The following RIMS1 variants were observed in gnomAD, a reference collection of about 807,000 sequenced individuals.
The protein encoded by RIMS1 is regulating synaptic membrane exocytosis 1.
In RIMS1, 83 loss-of-function variants were observed where a neutral mutation model predicts 214.1. That is an observed-to-expected ratio of 0.39 (90% CI 0.32 to 0.47). RIMS1 has a LOEUF of 0.47. Among genes scored for constraint, RIMS1 ranks in the 20% least tolerant of loss-of-function variants. The pLI, the probability that RIMS1 is intolerant of heterozygous loss-of-function variation, is 0.99. For synonymous variants in RIMS1, 793 were observed against 786.8 expected, an observed-to-expected ratio of 1.01 and a Z score of -0.13; for missense variants, 2,050 against 2,161.8, an observed-to-expected ratio of 0.95 and a Z score of 1.03.
chr6:72,185,244 A>G (rs2048933177), intron 6 of RIMS1, among the ~76,000 whole-genome samples: 1 of 152,150 alleles, frequency 6.6e-6, no homozygotes, highest in African/African-American at 2.4e-5. Flanking sequence ...ACCCCGATAA[A>G]TAGAATATCA....
intron 18 of RIMS1, 25 bp downstream of exon 18, chr6:72,259,136 A>G (rs1479276166): frequency 6.2e-7 from 1 of 1,601,858 alleles, no homozygotes; most frequent in Non-Finnish European, 8.5e-7. Context: ...TATGATCTCA[A>G]CGTTATGAAT....
In RIMS1 at chr6:72,391,871, CAAAT is replaced by C. The variant is rs565910447; in HGVS notation, c.4506-823_4506-820del. 3.3e-4 allele frequency among the ~76,000 whole-genome samples: 51 copies of C among 152,240 alleles called. No individual in the cohort carries two copies. In the East Asian group the frequency reaches 4.2e-3, roughly 13 times the overall value. On this transcript the variant is annotated intron_variant, in intron 30 of 33. Coordinates refer to ENST00000521978, the MANE Select transcript of RIMS1 (RefSeq NM_014989.7). ...ATCATTTTCTGATATAAAAAAGTAACAAATAAAATTTGCCTCCATCATAAACCAT... is the reference window on the plus strand; with the variant it reads ...ATCATTTTCTGATATAAAAAAGTAACAAAATTTGCCTCCATCATAAACCAT...
intron 1 of RIMS1, among the ~76,000 whole-genome samples, chr6:71,947,353 A>G (rs1381885707): frequency 6.6e-6 from 1 of 152,162 alleles, no homozygotes; most frequent in Non-Finnish European, 1.5e-5. Context: ...TATATACATA[A>G]TGGAATACTG....
At chr6:72,271,103 G>GA (rs1335369598) in intron 22 of RIMS1, among the ~76,000 whole-genome samples, 1 of 151,218 alleles carries the variant, frequency 6.6e-6, no homozygotes, top group Non-Finnish European at 1.5e-5. Flanking sequence ...CCGTCTCTAT[G>GA]AAAAATACAA....
At chr6:72,357,605 T>A (rs62407521) in intron 29 of RIMS1, among the ~76,000 whole-genome samples, 31,060 of 152,138 alleles carry the variant, frequency 0.2, 3,734 homozygotes, top group Middle Eastern at 0.27. Context: ...TTGCAGCAGG[T>A]TCATGGCATT....
chr6:72,345,599 C>T (rs2097236186), intron 29 of RIMS1, among the ~76,000 whole-genome samples: 1 of 151,688 alleles, frequency 6.6e-6, no homozygotes, highest in Non-Finnish European at 1.5e-5. Context: ...CAGAGAGATA[C>T]CTTTTTGATA....
At chr6:72,132,812 T>C (rs2040649759) in intron 4 of RIMS1, among the ~76,000 whole-genome samples, 1 of 152,224 alleles carries the variant, frequency 6.6e-6, no homozygotes, top group Admixed American at 6.5e-5. Context: ...AATGAAGTAA[T>C]ATCTCATTTA....
At chr6:72,311,604 T>C (rs1470715887) in intron 27 of RIMS1, among the ~76,000 whole-genome samples, 1 of 152,208 alleles carries the variant, frequency 6.6e-6, no homozygotes. Context: ...CACACAATTA[T>C]GAAAAATCCT....
chr6:72,368,630 C>T lies in RIMS1; in HGVS notation c.4367-21968C>T, dbSNP rs374263127. 8.2e-4 allele frequency among the ~76,000 whole-genome samples: 125 copies of T among 152,084 alleles called. 1 individual carries two copies. Among genetic ancestry groups the T allele is most frequent in the African/African-American group, 2.9e-3 (120 of 41,476 alleles). On this transcript the variant is annotated intron_variant, in intron 29 of 33. Transcript: ENST00000521978. The stretch of plus-strand genomic sequence containing the variant: ...ACTAAAATTCAGTCACCAGCTCACT[C>T]AATGAAGATGCGGTAAGCACGAGTC...
chr6:72,353,086 G>A (rs2097519252), intron 29 of RIMS1, among the ~76,000 whole-genome samples: 1 of 150,138 alleles, frequency 6.7e-6, no homozygotes, highest in South Asian at 2.1e-4. Context: ...CGTCTCCCGG[G>A]TTCAAGTGAT....
chr6:72,338,057 G>A (rs1029109851), intron 29 of RIMS1, among the ~76,000 whole-genome samples: 13 of 151,770 alleles, frequency 8.6e-5, no homozygotes, highest in Non-Finnish European at 1.9e-4. Flanking sequence ...ACATACGTGT[G>A]TATGTGTCTT....
At chr6:72,066,074 A>G (rs1173445587) in intron 2 of RIMS1, among the ~76,000 whole-genome samples, 1 of 152,168 alleles carries the variant, frequency 6.6e-6, no homozygotes, top group Non-Finnish European at 1.5e-5. Context: ...GCAGGTGAAG[A>G]CCATGGAGGA....
intron 4 of RIMS1, among the ~76,000 whole-genome samples, chr6:72,146,017 TA>T (rs1025923241): frequency 6.6e-6 from 1 of 152,184 alleles, no homozygotes; most frequent in African/African-American, 2.4e-5. Flanking sequence ...TAGTTCAAAA[TA>T]AAAATTTTCT....
At chr6:72,091,288 C>A (rs1009033559) in intron 2 of RIMS1, among the ~76,000 whole-genome samples, 3 of 152,124 alleles carry the variant, frequency 2.0e-5, no homozygotes, top group African/African-American at 7.2e-5. Flanking sequence ...TTTGCCTAGA[C>A]TTCATAAAGG....
chr6:72,196,603 T>TTTTTTA lies in RIMS1; in HGVS notation c.1678+13454_1678+13455insTTTTTA, dbSNP rs780611745. Among the ~76,000 whole-genome samples the TTTTTTA allele has an allele frequency of 3.3e-4, 44 of 132,284 alleles. 2 individuals are homozygous for TTTTTTA. Among genetic ancestry groups the TTTTTTA allele is most frequent in the African/African-American group, 1.1e-3 (40 of 36,070 alleles). The allele number at this position is 132,284 out of a possible 152,430, so 86.8% of individuals were successfully genotyped here. ...CACTTTTTTTTTTTTTTTTTTTTTT[T>TTTTTTA]ACCTATACAGGAAATGGGTTAAAAG... On this transcript the variant is annotated intron_variant, in intron 6 of 33. Coordinates refer to ENST00000521978, the MANE Select transcript of RIMS1 (RefSeq NM_014989.7).
At chr6:72,384,698 A>G (rs2098554359) in intron 29 of RIMS1, among the ~76,000 whole-genome samples, 1 of 152,108 alleles carries the variant, frequency 6.6e-6, no homozygotes, top group East Asian at 1.9e-4. Context: ...ACCAGCATAG[A>G]TTTTAATTGT....
intron 29 of RIMS1, among the ~76,000 whole-genome samples, chr6:72,344,867 T>C (rs1038254432): frequency 4.6e-5 from 7 of 151,810 alleles, no homozygotes; most frequent in Non-Finnish European, 2.9e-5. Context: ...TTGGCTAAGA[T>C]ATAGATATAC....
chr6:72,249,647 C>CTGTG (rs954436322), intron 12 of RIMS1, among the ~76,000 whole-genome samples: 1 of 152,168 alleles, frequency 6.6e-6, no homozygotes, highest in Admixed American at 6.5e-5. Context: ...TGATGTACAC[C>CTGTG]TGTGGTTCCA....
chr6:72,048,887 C>G (rs189288317), intron 2 of RIMS1, among the ~76,000 whole-genome samples: 96 of 152,264 alleles, frequency 6.3e-4, no homozygotes, highest in Non-Finnish European at 5.7e-4. Flanking sequence ...GACTTGCTGT[C>G]CCTATCCTGC....
Sources: allele counts gnomAD v4.1 joint callset (sites outside exome capture counted in the v4.1 genomes callset), GRCh38; gene constraint gnomAD v4.1.1; transcripts MANE v1.5; gene names NCBI Gene and HGNC (gene_info 2026-07-23, HGNC 2026-07-21).